The following PRDM16 variants were observed in gnomAD, a reference collection of about 807,000 sequenced individuals.
PRDM16 encodes histone-lysine N-methyltransferase PRDM16.
A neutral mutation model predicts 110.6 loss-of-function variants in PRDM16; 23 were observed. The observed-to-expected ratio is 0.21, with a 90% CI of 0.15 to 0.29. PRDM16 has a LOEUF of 0.29. Among genes scored for constraint, PRDM16 ranks in the 10% least tolerant of loss-of-function variants. PRDM16 has a pLI of 1.00. For synonymous variants in PRDM16, 799 were observed against 781.8 expected, an observed-to-expected ratio of 1.02 and a Z score of -0.37; for missense variants, 1,615 against 1,794.3, an observed-to-expected ratio of 0.90 and a Z score of 1.81.
intron 1 of PRDM16, among the ~76,000 whole-genome samples, chr1:3,122,024 G>A (rs1039594027): frequency 3.3e-5 from 5 of 152,216 alleles, no homozygotes; most frequent in African/African-American, 7.2e-5. Context: ...TATGAAACGC[G>A]CACCCGGCGG....
chr1:3,399,567 G>A (rs1643435277), intron 5 of PRDM16, among the ~76,000 whole-genome samples: 1 of 152,172 alleles, frequency 6.6e-6, no homozygotes, highest in African/African-American at 2.4e-5. Flanking sequence ...CTCCATCCGT[G>A]GAGGGCTGGG....
intron 1 of PRDM16, among the ~76,000 whole-genome samples, chr1:3,127,208 C>G (rs931090996): frequency 6.6e-6 from 1 of 152,258 alleles, no homozygotes; most frequent in African/African-American, 2.4e-5. Context: ...CACTCTTCTG[C>G]GATCCTCGCT....
At chr1:3,242,124 C>G (rs929144875) in intron 2 of PRDM16, among the ~76,000 whole-genome samples, 2 of 152,204 alleles carry the variant, frequency 1.3e-5, no homozygotes, top group Non-Finnish European at 2.9e-5. Context: ...CAGCGCCAGG[C>G]CCCTGTGGGC....
At chr1:3,077,746 T>C (rs1641931741) in intron 1 of PRDM16, among the ~76,000 whole-genome samples, 1 of 152,030 alleles carries the variant, frequency 6.6e-6, no homozygotes, top group Non-Finnish European at 1.5e-5. Flanking sequence ...AGGCTGCAGG[T>C]GCTCACAGGC....
intron 3 of PRDM16, among the ~76,000 whole-genome samples, chr1:3,289,679 G>T (rs1640929373): frequency 6.6e-6 from 1 of 152,226 alleles, no homozygotes; most frequent in African/African-American, 2.4e-5. Context: ...TGGCCTTCCA[G>T]GGGAGGGAAC....
chr1:3,420,845 C>T (rs920795719), intron 12 of PRDM16, among the ~76,000 whole-genome samples: 2 of 152,166 alleles, frequency 1.3e-5, no homozygotes, highest in Admixed American at 6.5e-5. Flanking sequence ...CCTTGGTCTT[C>T]GTCCTGACAG....
At chr1:3,418,636 C>G (rs753504847) in intron 11 of PRDM16, 31 bp from the exon 12 acceptor site, 1 of 1,475,732 alleles carries the variant, frequency 6.8e-7, no homozygotes, top group Non-Finnish European at 9.5e-7. Context: ...CCCTAATCCT[C>G]CCTCACCCTC....
rs1639788911 is a variant in PRDM16, at chr1:3,246,289, T to G, written c.438+2152T>G. ...GATGCTGTCCAGCCAGGGGCCTACT[T>G]CCAAGTGCCCAGGGCAGCAGGCATC... On this transcript the variant is annotated intron_variant, in intron 3 of 16. Transcript: ENST00000270722. The surrounding 1 kb of genome is among the most constrained non-coding windows in gnomAD (Gnocchi z 5.2). 6.6e-6 allele frequency among the ~76,000 whole-genome samples: 1 copy of G among 152,138 alleles called. No homozygotes were observed. Among genetic ancestry groups the G allele is most frequent in the African/African-American group, 2.4e-5 (1 of 41,434 alleles).
chr1:3,285,463 G>A (rs1272082037), intron 3 of PRDM16, among the ~76,000 whole-genome samples: 6 of 152,080 alleles, frequency 3.9e-5, no homozygotes, highest in Non-Finnish European at 5.9e-5. Context: ...CCGCTGTGTC[G>A]CCCCCACTCA....
chr1:3,276,676 C>CATGAACAGAGCCAGCGAGGG (rs1640590913), intron 3 of PRDM16, among the ~76,000 whole-genome samples: 1 of 151,760 alleles, frequency 6.6e-6, no homozygotes, highest in African/African-American at 2.4e-5. Flanking sequence ...CTCGAGGTGC[C>CATGAACAGAGCCAGCGAGGG]GTGAACAGAG....
intron 1 of PRDM16, among the ~76,000 whole-genome samples, chr1:3,180,668 G>T (rs185422892): frequency 8.0e-4 from 122 of 152,332 alleles, no homozygotes; most frequent in Non-Finnish European, 1.5e-3. Context: ...CTTGAGGGAG[G>T]GAGGCAAGGG....
chr1:3,252,840 T>C (rs1458816835), intron 3 of PRDM16, among the ~76,000 whole-genome samples: 1 of 152,094 alleles, frequency 6.6e-6, no homozygotes, highest in Non-Finnish European at 1.5e-5. Context: ...AGGTTCCAGG[T>C]TGGCCTTGAG....
intron 3 of PRDM16, among the ~76,000 whole-genome samples, chr1:3,272,090 C>T (rs912015973): frequency 2.6e-5 from 4 of 152,200 alleles, no homozygotes; most frequent in South Asian, 2.1e-4. Flanking sequence ...TGCTTGCAGA[C>T]GCTTCCAGAG....
chr1:3,304,888 C>T (rs1439049012), intron 3 of PRDM16, among the ~76,000 whole-genome samples: 2 of 152,114 alleles, frequency 1.3e-5, no homozygotes, highest in Non-Finnish European at 2.9e-5. Flanking sequence ...CCCAGGTGGA[C>T]CCTATTCCTT....
rs191003815 is a variant in PRDM16, at chr1:3,199,102, G to A, written c.387+12628G>A. Among the ~76,000 whole-genome samples, 635 of 152,274 alleles carry A rather than the reference G, an allele frequency of 4.2e-3. 15 individuals carry two copies. Among genetic ancestry groups the A allele is most frequent in the Admixed American group, 0.028 (427 of 15,294 alleles). On this transcript the variant is annotated intron_variant, in intron 2 of 16. Transcript: ENST00000270722. ...CTTCGTTTCAGCCCTGGCGCTCAGC[G>A]GAGGCTGGAGAGAGTGCTGTGCGGG...
chr1:3,111,556 A>G (rs1642795092), intron 1 of PRDM16, among the ~76,000 whole-genome samples: 1 of 149,852 alleles, frequency 6.7e-6, no homozygotes, highest in Non-Finnish European at 1.5e-5. Context: ...GGGATAAGGA[A>G]GAGAAGGAGG....
intron 1 of PRDM16, among the ~76,000 whole-genome samples, chr1:3,174,562 G>A (rs539409545): frequency 6.6e-6 from 1 of 152,290 alleles, no homozygotes; most frequent in East Asian, 1.9e-4. Flanking sequence ...TAAAGTGAAG[G>A]CAGCACTGTG....
intron 1 of PRDM16, among the ~76,000 whole-genome samples, chr1:3,113,027 A>G (rs1391677336): frequency 1.3e-5 from 2 of 152,232 alleles, no homozygotes; most frequent in Non-Finnish European, 2.9e-5. Context: ...AGGGCCTGCC[A>G]TGGGGCACCC....
rs1644167904 is a variant in PRDM16 at position 3,181,244 on chromosome 1, A to AGTCTTACACACGCGGCCTTACGCATG, written c.38-4868_38-4867insGGCCTTACGCATGGTCTTACACACGC. ...CAGTCTTACACACGGTCTTACACAC[A>AGTCTTACACACGCGGCCTTACGCATG]GTCTTACACACGCAGTCTTACACAC... On this transcript the variant is annotated intron_variant, in intron 1 of 16. Transcript: ENST00000270722. Among the ~76,000 whole-genome samples the AGTCTTACACACGCGGCCTTACGCATG allele has an allele frequency of 8.2e-5, 4 of 48,566 alleles. No individual in the cohort carries two copies. The Admixed American group carries it at 1.1e-3, about 14-fold the overall frequency. 31.9% of individuals were successfully genotyped at this position (48,566 alleles called of 152,430 possible). A position where few individuals can be genotyped will look rare whatever the true frequency, so the allele number is the denominator to read the frequency against.
Sources: allele counts gnomAD v4.1 joint callset (sites outside exome capture counted in the v4.1 genomes callset), GRCh38; gene constraint gnomAD v4.1.1; non-coding constraint Gnocchi (gnomAD v3.1); transcripts MANE v1.5; gene names NCBI Gene and HGNC (gene_info 2026-07-23, HGNC 2026-07-21).